RBM26: variants seen among roughly 807,000 people sequenced by gnomAD.
RBM26 encodes RNA-binding protein 26.
RBM26 carries 30 observed loss-of-function variants against 123.6 expected under a neutral mutation model. The ratio of observed to expected loss-of-function variants is 0.24; its 90% CI spans 0.18 to 0.33. The LOEUF is 0.33. Ranked by LOEUF, RBM26 falls within the 10% of genes least tolerant of loss-of-function variation. The pLI is 1.00. For missense variants in RBM26, 947 were observed against 1,203.6 expected (o/e 0.79, Z 3.15); for synonymous variants, 400 against 404.4 (o/e 0.99, Z 0.13).
rs776801172 is a variant in RBM26, at chr13:79,366,683, G to A, written c.1085C>T (p.Pro362Leu). Reference protein sequence around the residue: ...ILTPPPVNLRPPVPPPGPLPP... With the variant: ...ILTPPPVNLRLPVPPPGPLPP... Reference sequence around the variant, plus strand: ...CAATGGACCTGGCGGTGGTACTGGGGGCCTGAGATTCACAGGTGGGGGTGT... The same window carrying A: ...CAATGGACCTGGCGGTGGTACTGGGAGCCTGAGATTCACAGGTGGGGGTGT... Residue 362 changes from proline to leucine, a missense_variant, in exon 7 of 22, where the codon CCC becomes CTC. Pro to Leu is a moderately conservative substitution (Grantham distance 98, BLOSUM62 -3). Around this residue, in one of 5 missense-constraint regions of RBM26, gnomAD observed 493 missense variants for 563.1 expected, o/e 0.88. Coordinates refer to ENST00000438737, the MANE Select transcript of RBM26 (RefSeq NM_001366735.2). 1.2e-6 allele frequency: 2 copies of A among 1,602,716 alleles called. No individual in the cohort carries two copies. Among genetic ancestry groups the A allele is most frequent in the South Asian group, 1.1e-5 (1 of 89,712 alleles).
chr13:79,326,955 G>GA (rs981818159), intron 20 of RBM26, among the ~76,000 whole-genome samples: 22 of 140,164 alleles, frequency 1.6e-4, no homozygotes, highest in Admixed American at 2.8e-4. Flanking sequence ...AGGTGAAAAA[G>GA]AAAAAAAAAA....
intron 1 of RBM26, among the ~76,000 whole-genome samples, chr13:79,383,345 A>G (rs2077219566): frequency 6.6e-6 from 1 of 152,286 alleles, no homozygotes; most frequent in East Asian, 1.9e-4. Flanking sequence ...TATTAGTAAT[A>G]GAAAAGCATT....
At chr13:79,396,705 A>G (rs988314437) in intron 1 of RBM26, among the ~76,000 whole-genome samples, 1 of 152,162 alleles carries the variant, frequency 6.6e-6, no homozygotes, top group African/African-American at 2.4e-5. Context: ...AAATTTTTTC[A>G]GAAAAACGGA....
At chr13:79,375,003 CATATA>C (rs1197370722) in intron 3 of RBM26, among the ~76,000 whole-genome samples, 6 of 139,998 alleles carry the variant, frequency 4.3e-5, no homozygotes, top group African/African-American at 1.3e-4. Context: ...TTAAAGCATA[CATATA>C]ATATATATAT....
intron 1 of RBM26, among the ~76,000 whole-genome samples, chr13:79,398,944 T>C (rs1480423872): frequency 6.6e-6 from 1 of 152,188 alleles, no homozygotes; most frequent in Non-Finnish European, 1.5e-5. Flanking sequence ...ACACAAAGCA[T>C]TGTGCTAGAT....
chr13:79,355,632 T>G (rs1237761063), intron 11 of RBM26, among the ~76,000 whole-genome samples: 1 of 152,206 alleles, frequency 6.6e-6, no homozygotes, highest in Non-Finnish European at 1.5e-5. Context: ...ATGTTACATA[T>G]AGGCATTCAA....
chr13:79,369,754 T>C (rs985615679), intron 5 of RBM26, among the ~76,000 whole-genome samples: 3 of 152,202 alleles, frequency 2.0e-5, no homozygotes, highest in African/African-American at 7.2e-5. Flanking sequence ...CAAAAATATA[T>C]ATCTGAAATA....
intron 13 of RBM26, 50 bp from the exon 14 acceptor site, chr13:79,353,274 G>T: frequency 9.3e-7 from 1 of 1,080,900 alleles, no homozygotes; most frequent in Non-Finnish European, 1.4e-6. Flanking sequence ...ACATATAAAA[G>T]TCTGTTGGGA....
intron 17 of RBM26, 109 bp from the exon 18 acceptor site, chr13:79,341,336 T>C: frequency 1.6e-6 from 1 of 620,818 alleles, no homozygotes; most frequent in Non-Finnish European, 2.7e-6. Context: ...TATATTTCTA[T>C]CTCCAGTATA....
chr13:79,392,049 TTATTA>T (rs1314596889), intron 1 of RBM26, among the ~76,000 whole-genome samples: 2 of 36,520 alleles, frequency 5.5e-5, no homozygotes, highest in African/African-American at 1.5e-4. Context: ...ATACAATACA[TTATTA>T]TATAATTATG....
In RBM26 at chr13:79,329,569, C is replaced by T. The variant is rs2138672404; in HGVS notation, c.2820+4775G>A. 2.0e-5 allele frequency among the ~76,000 whole-genome samples: 3 copies of T among 152,122 alleles called. No homozygotes were observed. The East Asian group carries it at 5.8e-4, about 29-fold the overall frequency. On this transcript the variant is annotated intron_variant, in intron 20 of 21. Coordinates refer to ENST00000438737, the MANE Select transcript of RBM26 (RefSeq NM_001366735.2). ...CCTTCTCATACCAGAAGGAACAGAA[C>T]CACTAGGATCCTGTCAAAAGCACTC...
chr13:79,372,612 G>A (rs2076013035), intron 3 of RBM26, among the ~76,000 whole-genome samples: 1 of 148,510 alleles, frequency 6.7e-6, no homozygotes, highest in African/African-American at 2.5e-5. Context: ...ACTTGGTGTG[G>A]TACCAAACAC....
In RBM26 at chr13:79,319,507, A is replaced by C; in HGVS notation, c.*1114T>G. On this transcript the variant is annotated 3_prime_UTR_variant, in exon 22 of 22. Transcript: ENST00000438737. ...TTTTATACAAGTATAGGAAGTACAC[A>C]CTTAAAATATCAGACTGGAACACTT... 1 of 984,258 alleles carries C rather than the reference A, an allele frequency of 1.0e-6. No homozygotes were observed. The highest frequency in any genetic ancestry group is 1.2e-6 in the Non-Finnish European group (1 of 829,060). 61.0% of individuals were successfully genotyped at this position (984,258 alleles called of 1,614,324 possible).
intron 5 of RBM26, 44 bp downstream of exon 5, chr13:79,370,901 A>G (rs776002924): frequency 1.3e-6 from 2 of 1,565,598 alleles, no homozygotes; most frequent in African/African-American, 2.7e-5. Context: ...AAACATTTAA[A>G]CATGGAGTTT....
downstream of RBM26, chr13:79,318,779 A>G: frequency 2.0e-6 from 2 of 983,626 alleles, no homozygotes; most frequent in Non-Finnish European, 2.4e-6. Flanking sequence ...ATCAGCATGG[A>G]GATTTAACTG....
chr13:79,330,885 A>G (rs1393220161), intron 20 of RBM26, among the ~76,000 whole-genome samples: 1 of 152,132 alleles, frequency 6.6e-6, no homozygotes, highest in East Asian at 1.9e-4. Flanking sequence ...CACAGTGCCC[A>G]TCACATAGCA....
At chr13:79,336,980 C>G in intron 19 of RBM26, 122 bp downstream of exon 19, 1 of 898,302 alleles carries the variant, frequency 1.1e-6, no homozygotes. Context: ...AAAGATTAAA[C>G]TCTTTGTTCA....
Position 79,371,135 on chromosome 13 carries a change from A to G in RBM26, c.444T>C (p.Asp148=), listed in dbSNP as rs2075834405. The change falls in exon 5 of 22, where the codon GAT becomes GAC. Residue 148 remains aspartate (D), a synonymous_variant. Transcript: ENST00000438737. Reference sequence around the variant, plus strand: ...GATCATAATCTCTTTTGCGAGAACGATCATCTTTTTTCCTCTCATCACGGC... The same window carrying G: ...GATCATAATCTCTTTTGCGAGAACGGTCATCTTTTTTCCTCTCATCACGGC... The part of the protein sequence containing the change: ...NRSRDERKKD[D]RSRKRDYDRN... 5 of 1,614,044 alleles carry G rather than the reference A, an allele frequency of 3.1e-6. No homozygotes were observed. The highest frequency in any genetic ancestry group is 4.2e-6 in the Non-Finnish European group (5 of 1,180,008).
intron 20 of RBM26, among the ~76,000 whole-genome samples, chr13:79,329,267 C>T (rs920001636): frequency 6.6e-6 from 1 of 151,700 alleles, no homozygotes; most frequent in Non-Finnish European, 1.5e-5. Context: ...ACTTTATAGC[C>T]CCAAATTAAA....
Sources: allele counts gnomAD v4.1 joint callset (sites outside exome capture counted in the v4.1 genomes callset), GRCh38; gene constraint gnomAD v4.1.1; regional missense constraint gnomAD v4.1.1; transcripts MANE v1.5; gene names NCBI Gene and HGNC (gene_info 2026-07-23, HGNC 2026-07-21).